The following KIAA0319 variants were observed in gnomAD, a reference collection of about 807,000 sequenced individuals.
The protein encoded by KIAA0319 is dyslexia-associated protein KIAA0319.
KIAA0319 carries 83 observed loss-of-function variants against 108.4 expected under a neutral mutation model. The ratio of observed to expected loss-of-function variants is 0.77; its 90% CI spans 0.64 to 0.92. KIAA0319 has a LOEUF of 0.92. Among genes scored for constraint, KIAA0319 ranks in the 40% least tolerant of loss-of-function variants. KIAA0319 has a pLI of 0.00. For missense variants in KIAA0319, 1,195 were observed against 1,322.4 expected (o/e 0.90, Z 1.49); for synonymous variants, 484 against 510.4 (o/e 0.95, Z 0.70).
intron 2 of KIAA0319, 26 bp downstream of exon 2, chr6:24,601,023 G>T (rs1274071953): frequency 1.2e-6 from 2 of 1,613,602 alleles, no homozygotes; most frequent in Non-Finnish European, 1.7e-6. Context: ...TCCAACACGG[G>T]TATCTCCAGG....
chr6:24,566,850 T>C (rs1763967608), intron 13 of KIAA0319, 102 bp from the exon 14 acceptor site: 1 of 1,094,956 alleles, frequency 9.1e-7, no homozygotes, highest in Admixed American at 2.5e-5. Flanking sequence ...ACCTTGCAGA[T>C]ACAGTATGTA....
intron 1 of KIAA0319, among the ~76,000 whole-genome samples, chr6:24,607,417 A>G (rs1481692175): frequency 2.0e-5 from 3 of 151,656 alleles, no homozygotes; most frequent in Non-Finnish European, 4.4e-5. Flanking sequence ...GATAAGTGAC[A>G]CTATTTGTTT....
At chr6:24,607,328 C>G (rs1406123816) in intron 1 of KIAA0319, among the ~76,000 whole-genome samples, 1 of 148,888 alleles carries the variant, frequency 6.7e-6, no homozygotes, top group Non-Finnish European at 1.5e-5. Flanking sequence ...TGCACTCCAG[C>G]CTGGGCAACA....
At chr6:24,553,195 C>A (rs1175854631) in intron 19 of KIAA0319, among the ~76,000 whole-genome samples, 4 of 150,084 alleles carry the variant, frequency 2.7e-5, no homozygotes, top group African/African-American at 9.9e-5. Context: ...ATAATCAAAA[C>A]CTACCATTTG....
chr6:24,579,592 A>G (rs1342055477), intron 8 of KIAA0319, among the ~76,000 whole-genome samples: 1 of 150,208 alleles, frequency 6.7e-6, no homozygotes, highest in Non-Finnish European at 1.5e-5. Flanking sequence ...CCACACCAGA[A>G]GGAGATTCTT....
intron 1 of KIAA0319, among the ~76,000 whole-genome samples, chr6:24,638,759 CA>C (rs70974924): frequency 0.22 from 30,960 of 140,470 alleles, 3,375 homozygotes; most frequent in Non-Finnish European, 0.29. Context: ...GACTCCGTCT[CA>C]AAAAAAAAAA....
At chr6:24,550,308 C>T (rs1293549187) in intron 20 of KIAA0319, among the ~76,000 whole-genome samples, 6 of 152,198 alleles carry the variant, frequency 3.9e-5, no homozygotes, top group African/African-American at 1.4e-4. Flanking sequence ...GGGCCTAACC[C>T]GGTGCCTGTG....
At chr6:24,644,721 TTTCA>T (rs1269625552) in intron 1 of KIAA0319, among the ~76,000 whole-genome samples, 1 of 152,228 alleles carries the variant, frequency 6.6e-6, no homozygotes, top group Non-Finnish European at 1.5e-5. Flanking sequence ...GCTGAATTAT[TTTCA>T]TTATTTCGAA....
chr6:24,580,308 A>G (rs1172417932), intron 7 of KIAA0319, among the ~76,000 whole-genome samples: 6 of 149,812 alleles, frequency 4.0e-5, no homozygotes, highest in Non-Finnish European at 7.4e-5. Context: ...AACTGAAGGC[A>G]ACTCCCCCCC....
chr6:24,596,651 A>C (rs767600800), intron 2 of KIAA0319, 33 bp from the exon 3 acceptor site: 21 of 1,557,378 alleles, frequency 1.3e-5, no homozygotes, highest in Non-Finnish European at 8.7e-6. Flanking sequence ...TGAGGGAGAG[A>C]GGCATATCAC....
chr6:24,588,179 C>A (rs886240932), intron 4 of KIAA0319, among the ~76,000 whole-genome samples: 1 of 152,226 alleles, frequency 6.6e-6, no homozygotes, highest in Non-Finnish European at 1.5e-5. Flanking sequence ...TCAGTAAATA[C>A]AATGATCACG....
At chr6:24,642,258 GGGAA>G (rs1028657247) in intron 1 of KIAA0319, among the ~76,000 whole-genome samples, 1 of 151,156 alleles carries the variant, frequency 6.6e-6, no homozygotes, top group Non-Finnish European at 1.5e-5. Context: ...AAGAAAGAAA[GGGAA>G]GGAAGGAAGG....
At chr6:24,609,592 A>G (rs1772011405) in intron 1 of KIAA0319, among the ~76,000 whole-genome samples, 1 of 152,150 alleles carries the variant, frequency 6.6e-6, no homozygotes, top group African/African-American at 2.4e-5. Context: ...CAACAAACAA[A>G]CAAACAAACA....
chr6:24,549,686 C>T lies in KIAA0319; in HGVS notation c.3040+1748G>A, dbSNP rs139734091. Among the ~76,000 whole-genome samples, 298 of 152,268 alleles carry T rather than the reference C, an allele frequency of 2.0e-3. 1 individual carries two copies. Among genetic ancestry groups the T allele is most frequent in the African/African-American group, 6.6e-3 (275 of 41,542 alleles). On this transcript the variant is annotated intron_variant, in intron 20 of 20. Transcript: ENST00000378214. The stretch of plus-strand genomic sequence containing the variant: ...GATAATCATTGCACATACCTCGTAC[C>T]GCTATGGGCAGGATTAGAATTCAAT...
chr6:24,588,562 A>C (rs760200204), intron 4 of KIAA0319, 31 bp downstream of exon 4: 1 of 1,580,480 alleles, frequency 6.3e-7, no homozygotes, highest in Admixed American at 1.7e-5. Flanking sequence ...TCTTCAGTAC[A>C]TTTCTTGAAA....
chr6:24,591,928 T>C (rs1316911172), intron 3 of KIAA0319, among the ~76,000 whole-genome samples: 1 of 152,214 alleles, frequency 6.6e-6, no homozygotes, highest in Non-Finnish European at 1.5e-5. Context: ...TATTTATATA[T>C]TCAGTATACA....
chr6:24,639,328 T>G (rs1776616574), intron 1 of KIAA0319, among the ~76,000 whole-genome samples: 1 of 152,230 alleles, frequency 6.6e-6, no homozygotes, highest in Non-Finnish European at 1.5e-5. Flanking sequence ...CAGCAATATT[T>G]TCATTGGTAA....
At chr6:24,623,958 TA>T (rs1312959362) in intron 1 of KIAA0319, among the ~76,000 whole-genome samples, 1 of 151,322 alleles carries the variant, frequency 6.6e-6, no homozygotes, top group Non-Finnish European at 1.5e-5. Context: ...AACTTTAATA[TA>T]TACAATATAA....
chr6:24,564,232 TG>T lies in KIAA0319; in HGVS notation c.2400del (p.Asp800GlufsTer21). On this transcript the variant is annotated frameshift_variant, in exon 15 of 21. Transcript: ENST00000378214. LOFTEE classifies it high-confidence loss of function. ...TGCACTTCCACAGTGGCAGTGTCTG[TG>T]TCCGAGGCCCCCTGACTGTCGGTGA... ...LRVTDSQGAS[D>X]TDTATVEVQP... The T allele has an allele frequency of 6.2e-7, 1 of 1,614,118 alleles. No individual in the cohort carries two copies. Among genetic ancestry groups the T allele is most frequent in the Non-Finnish European group, 8.5e-7 (1 of 1,179,992 alleles).
Sources: allele counts gnomAD v4.1 joint callset (sites outside exome capture counted in the v4.1 genomes callset), GRCh38; gene constraint gnomAD v4.1.1; transcripts MANE v1.5; gene names NCBI Gene and HGNC (gene_info 2026-07-23, HGNC 2026-07-21).